PRKG1: variants seen among roughly 807,000 people sequenced by gnomAD.
The protein encoded by PRKG1 is protein kinase cGMP-dependent 1.
In PRKG1, 35 loss-of-function variants were observed where a neutral mutation model predicts 88.1. The ratio of observed to expected loss-of-function variants is 0.40; its 90% CI spans 0.30 to 0.53. The LOEUF is 0.53. PRKG1 is among the 20% of genes least tolerant of loss of function. The pLI is 0.59. For synonymous variants in PRKG1, 303 were observed against 292.5 expected (o/e 1.04, Z -0.37); for missense variants, 540 against 839.8 (o/e 0.64, Z 4.41).
At chr10:51,035,813 C>A (rs1323332253) in intron 1 of PRKG1, among the ~76,000 whole-genome samples, 1 of 152,160 alleles carries the variant, frequency 6.6e-6, no homozygotes, top group Non-Finnish European at 1.5e-5. Context: ...ACCCTATTAT[C>A]TAGCAATAAC....
At chr10:51,399,215 A>G (rs1258178126) in intron 2 of PRKG1, among the ~76,000 whole-genome samples, 3 of 152,098 alleles carry the variant, frequency 2.0e-5, no homozygotes, top group African/African-American at 7.2e-5. Context: ...TATATGTTAT[A>G]TATGTATAAG....
intron 3 of PRKG1, among the ~76,000 whole-genome samples, chr10:51,736,839 T>A (rs1333970606): frequency 6.6e-6 from 1 of 151,806 alleles, no homozygotes; most frequent in Non-Finnish European, 1.5e-5. Flanking sequence ...TCTCATTATG[T>A]TGCTCAGGCT....
At chr10:51,187,038 G>C (rs1188714150) in intron 2 of PRKG1, among the ~76,000 whole-genome samples, 1 of 148,826 alleles carries the variant, frequency 6.7e-6, no homozygotes, top group African/African-American at 2.5e-5. Flanking sequence ...TTTCCAGAAA[G>C]AGGAAGTGGA....
rs994281311 is a variant in PRKG1 at position 51,074,529 on chromosome 10, G to A, written c.-62G>A. 4 of 1,556,428 alleles carry A rather than the reference G, an allele frequency of 2.6e-6. No homozygotes were observed. The highest frequency in any genetic ancestry group is 1.8e-5 in the Admixed American group (1 of 55,314). The stretch of plus-strand genomic sequence containing the variant: ...GACTTTGGGGAAAGTTGATCGGAGA[G>A]GGGAGGAAGCCTCAAGACGCGGAGC... On this transcript the variant is annotated 5_prime_UTR_variant, in exon 1 of 18. Coordinates refer to ENST00000373980, the MANE Select transcript of PRKG1 (RefSeq NM_006258.4).
chr10:52,131,435 G>A (rs192685677), intron 7 of PRKG1, among the ~76,000 whole-genome samples: 14 of 152,228 alleles, frequency 9.2e-5, no homozygotes, highest in Admixed American at 6.5e-4. Flanking sequence ...GAAGAGGTAC[G>A]TAGGCTGGGA....
chr10:51,841,937 C>A (rs1290744553), intron 4 of PRKG1, among the ~76,000 whole-genome samples: 3 of 152,176 alleles, frequency 2.0e-5, no homozygotes, highest in Non-Finnish European at 4.4e-5. Flanking sequence ...CCCGCCTCAG[C>A]CTCCCAAAGT....
At chr10:51,113,971 G>A (rs1335271694) in intron 1 of PRKG1, among the ~76,000 whole-genome samples, 2 of 147,806 alleles carry the variant, frequency 1.4e-5, no homozygotes, top group African/African-American at 2.5e-5. Context: ...GTGTGTGTGT[G>A]TGTGTGTGTG....
intron 3 of PRKG1, among the ~76,000 whole-genome samples, chr10:51,779,544 T>G (rs1838530848): frequency 6.6e-6 from 1 of 152,164 alleles, no homozygotes; most frequent in Non-Finnish European, 1.5e-5. Flanking sequence ...TTTGAAAATT[T>G]GCTATTGAGC....
chr10:51,317,605 A>C (rs1183806794), intron 2 of PRKG1, among the ~76,000 whole-genome samples: 1 of 152,236 alleles, frequency 6.6e-6, no homozygotes, highest in East Asian at 1.9e-4. Context: ...AAGTGTAAAG[A>C]GCCCAGAGTA....
intron 5 of PRKG1, among the ~76,000 whole-genome samples, chr10:51,930,186 T>G (rs1842659808): frequency 6.6e-6 from 1 of 152,182 alleles, no homozygotes; most frequent in Non-Finnish European, 1.5e-5. Flanking sequence ...TTAGAATAGT[T>G]AAAATTGTAG....
intron 9 of PRKG1, among the ~76,000 whole-genome samples, chr10:52,244,913 TA>T (rs1840983457): frequency 2.1e-4 from 1 of 4,768 alleles, no homozygotes; most frequent in East Asian, 0.083. Flanking sequence ...CTTTTTAAAA[TA>T]TATATATATT....
At chr10:51,823,735 T>C (rs1839809653) in intron 4 of PRKG1, among the ~76,000 whole-genome samples, 1 of 152,090 alleles carries the variant, frequency 6.6e-6, no homozygotes, top group South Asian at 2.1e-4. Flanking sequence ...CATCAATGTC[T>C]AAAATACCTA....
chr10:51,603,393 C>G (rs1217884136), intron 3 of PRKG1, among the ~76,000 whole-genome samples: 1 of 151,972 alleles, frequency 6.6e-6, no homozygotes, highest in African/African-American at 2.4e-5. Flanking sequence ...CTAAGTGAAC[C>G]CCAAAGTTCA....
intron 8 of PRKG1, among the ~76,000 whole-genome samples, chr10:52,140,430 C>T (rs1837545316): frequency 6.6e-6 from 1 of 152,090 alleles, no homozygotes; most frequent in Non-Finnish European, 1.5e-5. Context: ...CTTCACTCTT[C>T]TGTACACATC....
intron 2 of PRKG1, among the ~76,000 whole-genome samples, chr10:51,284,209 T>C (rs1452519215): frequency 6.6e-6 from 1 of 152,232 alleles, no homozygotes; most frequent in African/African-American, 2.4e-5. Flanking sequence ...ATAACATTAT[T>C]TTTTGTAAAG....
At chr10:52,242,140 G>A (rs1269458884) in intron 9 of PRKG1, 1 of 152,208 alleles carries the variant, frequency 6.6e-6, no homozygotes, top group African/African-American at 2.4e-5. Flanking sequence ...AGTGAAAGCA[G>A]GAGGAGGAGT....
chr10:52,171,885 C>A (rs1379452534), intron 9 of PRKG1, among the ~76,000 whole-genome samples: 2 of 144,802 alleles, frequency 1.4e-5, no homozygotes, highest in Non-Finnish European at 3.0e-5. Flanking sequence ...TCACTGCAAG[C>A]TCCGCTTCCC....
At chr10:51,070,024 C>G (rs1353307630), upstream of PRKG1, among the ~76,000 whole-genome samples, 2 of 152,060 alleles carry the variant, frequency 1.3e-5, no homozygotes, top group Admixed American at 6.5e-5. Flanking sequence ...AATTTGTCCT[C>G]TTCACCTCCC....
At chr10:51,422,820 T>C (rs1439602421) in intron 2 of PRKG1, among the ~76,000 whole-genome samples, 1 of 152,170 alleles carries the variant, frequency 6.6e-6, no homozygotes, top group African/African-American at 2.4e-5. Context: ...ATGTCATGAT[T>C]GCCTTTATCT....
Sources: gnomAD v4.1 joint callset for allele counts (sites outside exome capture counted in the v4.1 genomes callset) on GRCh38, gnomAD v4.1.1 for gene constraint, MANE v1.5 for transcripts, NCBI Gene and HGNC (gene_info 2026-07-23, HGNC 2026-07-21) for gene names.